Variants in ROCK2 observed in about 807,000 individuals in gnomAD.
ROCK2 encodes the protein Rho associated coiled-coil containing protein kinase 2, also known as rho-associated protein kinase 2.
A neutral mutation model predicts 195.1 loss-of-function variants in ROCK2; 61 were observed. The ratio of observed to expected loss-of-function variants is 0.31; its 90% CI spans 0.25 to 0.39. ROCK2 has a LOEUF of 0.39. ROCK2 is among the 10% of genes least tolerant of loss of function. ROCK2 has a pLI of 1.00. For synonymous variants in ROCK2, 504 were observed against 545.5 expected (o/e 0.92, Z 1.06); for missense variants, 1,109 against 1,637.4 (o/e 0.68, Z 5.57).
chr2:11,269,517 A>C (rs1373030877), intron 3 of ROCK2, among the ~76,000 whole-genome samples: 1 of 152,154 alleles, frequency 6.6e-6, no homozygotes, highest in African/African-American at 2.4e-5. Context: ...TCTCAAAAAA[A>C]AAAAAAAAAT....
intron 1 of ROCK2, among the ~76,000 whole-genome samples, chr2:11,343,449 A>G (rs1399988087): frequency 1.3e-5 from 2 of 152,192 alleles, no homozygotes; most frequent in East Asian, 3.9e-4. Context: ...CAGCAATTAA[A>G]ATGCACTAAA....
chr2:11,344,342 G>GCCCGC lies in ROCK2; in HGVS notation c.-207_-206insGCGGG. ...GCCCGGCCCAGCCCGGCCCAGCCCG[G>GCCCGC]CCCGGCCCTGCCGGGAGCGGCGGGG... On this transcript the variant is annotated 5_prime_UTR_variant, in exon 1 of 33. Coordinates refer to ENST00000315872, the MANE Select transcript of ROCK2 (RefSeq NM_004850.5). The surrounding 1 kb of genome is among the most constrained non-coding windows in gnomAD (Gnocchi z 5.4). The GCCCGC allele has an allele frequency of 8.5e-7, 1 of 1,182,238 alleles. No individual in the cohort carries two copies. Among genetic ancestry groups the GCCCGC allele is most frequent in the Non-Finnish European group, 1.0e-6 (1 of 956,348 alleles). The allele number at this position is 1,182,238 out of a possible 1,614,324, so 73.2% of individuals were successfully genotyped here.
At chr2:11,183,467 G>A in intron 32 of ROCK2, 27 bp from the exon 33 acceptor site, 1 of 1,534,004 alleles carries the variant, frequency 6.5e-7, no homozygotes, top group Non-Finnish European at 9.0e-7. Context: ...AATAAAGTTA[G>A]TTGATACAGT....
intron 1 of ROCK2, among the ~76,000 whole-genome samples, chr2:11,299,266 TC>T (rs1572379959): frequency 7.0e-6 from 1 of 143,752 alleles, no homozygotes; most frequent in South Asian, 2.2e-4. Context: ...AGAGCAAGAC[TC>T]CATCTCAAAA....
At chr2:11,296,005 GGAGAGAGAGAGAGA>G (rs70953384) in intron 1 of ROCK2, among the ~76,000 whole-genome samples, 3 of 10,334 alleles carry the variant, frequency 2.9e-4, no homozygotes, top group South Asian at 6.6e-3. Flanking sequence ...GAGAGAGAGA[GGAGAGAGAGAGAGA>G]GAGAGAGAGA....
chr2:11,232,867 A>C (rs1209728109), intron 5 of ROCK2, among the ~76,000 whole-genome samples: 1 of 152,212 alleles, frequency 6.6e-6, no homozygotes, highest in Admixed American at 6.5e-5. Context: ...AATTCACAAA[A>C]CAGAAATGAC....
chr2:11,313,393 T>C (rs1226350822), intron 1 of ROCK2, among the ~76,000 whole-genome samples: 1 of 152,070 alleles, frequency 6.6e-6, no homozygotes, highest in African/African-American at 2.4e-5. Flanking sequence ...TGCTACCATA[T>C]TTAAAATATT....
intron 1 of ROCK2, among the ~76,000 whole-genome samples, chr2:11,329,480 AC>A (rs1231850283): frequency 1.4e-3 from 206 of 147,196 alleles, no homozygotes; most frequent in African/African-American, 5.1e-3. Context: ...AAAAAAAAAA[AC>A]CGTAACTTCT....
chr2:11,332,934 G>T (rs967527294), intron 1 of ROCK2, among the ~76,000 whole-genome samples: 2 of 152,206 alleles, frequency 1.3e-5, no homozygotes, highest in Admixed American at 1.3e-4. Flanking sequence ...CATATTTTAT[G>T]ATTCCACTTA....
chr2:11,330,301 G>A lies in ROCK2; in HGVS notation c.141+13695C>T, dbSNP rs1440965556. Among the ~76,000 whole-genome samples, 3 of 152,142 alleles carry A rather than the reference G, an allele frequency of 2.0e-5. No homozygotes were observed. In the East Asian group the frequency reaches 5.8e-4, roughly 29 times the overall value. ...GGCTTTAAAGATACTTTTATTATAT[G>A]TCACTCTAGAGCCCCACGTTATTGA... On this transcript the variant is annotated intron_variant, in intron 1 of 32. Transcript: ENST00000315872.
chr2:11,323,057 A>T lies in ROCK2; in HGVS notation c.141+20939T>A, dbSNP rs545482525. Among the ~76,000 whole-genome samples the T allele has an allele frequency of 1.9e-3, 290 of 152,348 alleles. 3 individuals are homozygous for T. Among genetic ancestry groups the T allele is most frequent in the South Asian group, 0.018 (85 of 4,828 alleles). ...ATTTTTTAGGGTAAACAAGTTGAAC[A>T]ATCACTGACAACAAATATTCTGAAG... is the stretch of plus-strand genomic sequence containing the variant. On this transcript the variant is annotated intron_variant, in intron 1 of 32. Transcript: ENST00000315872.
chr2:11,336,051 A>AAC (rs1668919165), intron 1 of ROCK2, among the ~76,000 whole-genome samples: 2 of 152,252 alleles, frequency 1.3e-5, no homozygotes, highest in Non-Finnish European at 2.9e-5. Context: ...AACAGTGATT[A>AAC]TCTCTAAGGA....
At chr2:11,309,498 G>A (rs1046777437) in intron 1 of ROCK2, among the ~76,000 whole-genome samples, 12 of 152,136 alleles carry the variant, frequency 7.9e-5, no homozygotes, top group African/African-American at 2.4e-4. Context: ...CTTTGATAAT[G>A]ACTGAAATTT....
chr2:11,221,339 G>A lies in ROCK2; in HGVS notation c.1118C>T (p.Pro373Leu). ...NIRETAAPVVPELSSDIDSSN... is the reference protein window; with the variant it reads ...NIRETAAPVVLELSSDIDSSN... ...GCTGTCTATGTCACTGCTGAGTTCA[G>A]GTACTACAGGAGCTGCCGCTATTAA... is the stretch of plus-strand genomic sequence containing the variant. Residue 373 changes from proline to leucine, a missense_variant, in exon 9 of 33, where the codon CCT becomes CTT. Pro to Leu is a moderately conservative substitution (Grantham distance 98). Around this residue, in one of 6 missense-constraint regions of ROCK2, gnomAD observed 253 missense variants for 455.5 expected, o/e 0.56. Coordinates refer to ENST00000315872, the MANE Select transcript of ROCK2 (RefSeq NM_004850.5). 1.3e-6 allele frequency: 2 copies of A among 1,561,826 alleles called. No homozygotes were observed. Among genetic ancestry groups the A allele is most frequent in the Non-Finnish European group, 1.7e-6 (2 of 1,161,644 alleles).
intron 4 of ROCK2, among the ~76,000 whole-genome samples, chr2:11,239,457 C>T (rs1273742025): frequency 6.6e-6 from 1 of 152,102 alleles, no homozygotes; most frequent in Non-Finnish European, 1.5e-5. Flanking sequence ...TTTTGGAAAG[C>T]AGTTTGATAA....
chr2:11,248,707 TCAAAAAAAAA>T (rs1558325780), intron 4 of ROCK2, among the ~76,000 whole-genome samples: 1 of 8,282 alleles, frequency 1.2e-4, no homozygotes. Context: ...AGACTTCATC[TCAAAAAAAAA>T]AAAAAAAAAA....
chr2:11,232,061 C>CA (rs1665031397), intron 5 of ROCK2, among the ~76,000 whole-genome samples: 1 of 151,842 alleles, frequency 6.6e-6, no homozygotes, highest in South Asian at 2.1e-4. Flanking sequence ...TTATTTCTGG[C>CA]ATGTAAGCTG....
intron 17 of ROCK2, among the ~76,000 whole-genome samples, chr2:11,213,360 A>G (rs978449323): frequency 6.6e-5 from 10 of 152,094 alleles, no homozygotes; most frequent in Admixed American, 6.6e-4. Context: ...GCTATCTTGC[A>G]TGATCTACCT....
At chr2:11,282,105 C>T (rs1025495061) in intron 3 of ROCK2, among the ~76,000 whole-genome samples, 1 of 152,168 alleles carries the variant, frequency 6.6e-6, no homozygotes, top group Non-Finnish European at 1.5e-5. Flanking sequence ...AATCCTAGCA[C>T]TTTGGAAAGC....
Sources: allele counts gnomAD v4.1 joint callset (sites outside exome capture counted in the v4.1 genomes callset), GRCh38; gene constraint gnomAD v4.1.1; regional missense constraint gnomAD v4.1.1; non-coding constraint Gnocchi (gnomAD v3.1); transcripts MANE v1.5; gene names NCBI Gene and HGNC (gene_info 2026-07-23, HGNC 2026-07-21).